Variants in GFPT1 observed in about 807,000 individuals in gnomAD.
GFPT1 encodes glutamine--fructose-6-phosphate transaminase 1.
A neutral mutation model predicts 92.0 loss-of-function variants in GFPT1; 40 were observed. The observed-to-expected ratio is 0.43, with a 90% CI of 0.34 to 0.57. The LOEUF is 0.57. Ranked by LOEUF, GFPT1 falls within the 20% of genes least tolerant of loss-of-function variation. The pLI is 0.02. For missense variants in GFPT1, 448 were observed against 869.1 expected (o/e 0.52, Z 6.09); for synonymous variants, 269 against 280.6 (o/e 0.96, Z 0.41).
At position 69,368,466 on chromosome 2, in the gene GFPT1, G is replaced by A. The variant is rs572472287; in HGVS notation, c.223+1535C>T. On this transcript the variant is annotated intron_variant, in intron 3 of 19. Coordinates refer to ENST00000357308, the MANE Select transcript of GFPT1 (RefSeq NM_001244710.2). ...CAGTTGGCCAGGCTCAGTGGCTAAT[G>A]CCTGTAATCCCACTACTTTGAGAGG... Among the ~76,000 whole-genome samples, 3 of 152,152 alleles carry A rather than the reference G, an allele frequency of 2.0e-5. No individual in the cohort carries two copies. The East Asian group carries it at 5.8e-4, about 29-fold the overall frequency.
Position 69,377,511 on chromosome 2 carries a change from A to C in GFPT1, c.8-3398T>G, listed in dbSNP as rs868543787. Among the ~76,000 whole-genome samples the C allele has an allele frequency of 1.7e-3, 250 of 151,068 alleles. 3 individuals carry two copies. The highest frequency in any genetic ancestry group is 3.0e-3 in the Non-Finnish European group (203 of 67,712). On this transcript the variant is annotated intron_variant, in intron 1 of 19. Coordinates refer to ENST00000357308, the MANE Select transcript of GFPT1 (RefSeq NM_001244710.2). ...TAAAAATAAAAATAAAAAAAAAAAA[A>C]TAGCCAGCTGTGGTGGCACGTGCCT...
At chr2:69,350,567 CTATAAT>C (rs1414804591) in intron 9 of GFPT1, among the ~76,000 whole-genome samples, 4 of 151,732 alleles carry the variant, frequency 2.6e-5, no homozygotes, top group African/African-American at 4.8e-5. Context: ...GTTTGTGTAC[CTATAAT>C]TATAACAAAA....
intron 15 of GFPT1, among the ~76,000 whole-genome samples, chr2:69,337,060 A>ATT (rs376497924): frequency 1.2e-4 from 14 of 118,508 alleles, no homozygotes; most frequent in East Asian, 4.6e-4. Context: ...CAAATTTTAA[A>ATT]TTTTTTTTTT....
intron 16 of GFPT1, 74 bp downstream of exon 16, chr2:69,329,610 T>C (rs1245562137): frequency 9.2e-7 from 1 of 1,084,010 alleles, no homozygotes; most frequent in Non-Finnish European, 1.4e-6. Context: ...AGCCACAGCT[T>C]CAAGGATAAG....
Position 69,348,195 on chromosome 2 carries a change from T to C in GFPT1, c.985A>G (p.Met329Val). ...HPGRAVQTLQMELQQIMKGNF... is the reference protein window; with the variant it reads ...HPGRAVQTLQVELQQIMKGNF... The stretch of plus-strand genomic sequence containing the variant: ...CCCTTCATGATCTGCTGGAGTTCCA[T>C]CTGGAGTGTTTGCACAGCTCGTCCG... Residue 329 changes from methionine (M) to valine (V), a missense_variant, in exon 11 of 20, where the codon ATG (methionine) becomes GTG (valine). This residue lies in a region of GFPT1 where 121 missense variants were observed against 304.3 expected (regional missense o/e 0.40). Transcript: ENST00000357308. 6.2e-7 allele frequency: 1 copy of C among 1,613,922 alleles called. No homozygotes were observed. Among genetic ancestry groups the C allele is most frequent in the Non-Finnish European group, 8.5e-7 (1 of 1,179,806 alleles).
chr2:69,367,186 G>C (rs944824010), intron 3 of GFPT1, among the ~76,000 whole-genome samples: 3 of 152,150 alleles, frequency 2.0e-5, no homozygotes, highest in Admixed American at 6.5e-5. Context: ...CTATGATTAT[G>C]TTAACATGAG....
chr2:69,341,514 G>A (rs780407550), intron 13 of GFPT1, among the ~76,000 whole-genome samples: 10 of 152,140 alleles, frequency 6.6e-5, no homozygotes, highest in Non-Finnish European at 1.2e-4. Context: ...GAAATTGAAT[G>A]TAAAGGTCTT....
chr2:69,327,703 G>C (rs1670563871), intron 18 of GFPT1, among the ~76,000 whole-genome samples: 1 of 151,958 alleles, frequency 6.6e-6, no homozygotes, highest in African/African-American at 2.4e-5. Context: ...AATTAAAAAG[G>C]AACAGCATAT....
intron 3 of GFPT1, among the ~76,000 whole-genome samples, chr2:69,369,564 A>G (rs941391578): frequency 2.6e-5 from 4 of 152,258 alleles, no homozygotes; most frequent in South Asian, 2.1e-4. Flanking sequence ...TTACCAGATT[A>G]TATCAGACCT....
chr2:69,354,423 T>C, intron 8 of GFPT1, 66 bp downstream of exon 8: 2 of 1,284,862 alleles, frequency 1.6e-6, no homozygotes, highest in South Asian at 2.4e-5. Context: ...CAAAGAGCCA[T>C]CTATTCCAAC....
intron 3 of GFPT1, 113 bp from the exon 4 acceptor site, chr2:69,363,783 C>T: frequency 1.2e-6 from 1 of 802,504 alleles, no homozygotes; most frequent in Non-Finnish European, 2.1e-6. Flanking sequence ...TATACAATCA[C>T]TGAAACTAAA....
At chr2:69,352,209 G>C (rs997306846) in intron 9 of GFPT1, among the ~76,000 whole-genome samples, 3 of 152,132 alleles carry the variant, frequency 2.0e-5, no homozygotes, top group Non-Finnish European at 2.9e-5. Flanking sequence ...GTTGCAGTGA[G>C]GTGAGATTGT....
At chr2:69,329,202 G>A in intron 17 of GFPT1, 95 bp downstream of exon 17, 3 of 1,266,162 alleles carry the variant, frequency 2.4e-6, no homozygotes, top group Non-Finnish European at 2.3e-6. Flanking sequence ...ACTTTCAAAA[G>A]TTCTACCTAT....
chr2:69,373,481 A>G (rs1204780832), intron 2 of GFPT1, among the ~76,000 whole-genome samples: 1 of 152,110 alleles, frequency 6.6e-6, no homozygotes, highest in Non-Finnish European at 1.5e-5. Flanking sequence ...TTAGCTGGGC[A>G]TGGTGGCACA....
intron 4 of GFPT1, 53 bp downstream of exon 4, chr2:69,363,492 C>T (rs897781642): frequency 1.9e-6 from 3 of 1,546,812 alleles, no homozygotes; most frequent in Non-Finnish European, 2.7e-6. Flanking sequence ...TTCATTCTGC[C>T]CCCATTATTA....
chr2:69,332,313 CT>C lies in GFPT1; in HGVS notation c.1483-2516del, dbSNP rs1257559725. Among the ~76,000 whole-genome samples, 699 of 134,358 alleles carry C rather than the reference CT, an allele frequency of 5.2e-3. 1 individual carries two copies. Among genetic ancestry groups the C allele is most frequent in the African/African-American group, 9.0e-3 (334 of 36,988 alleles). The allele number at this position is 134,358 out of a possible 152,430, so 88.1% of individuals were successfully genotyped here. A position where few individuals can be genotyped will look rare whatever the true frequency, so the allele number is the denominator to read the frequency against. The stretch of plus-strand genomic sequence containing the variant: ...TTTTTTCTAGTCTTTCTTTTCTTTT[CT>C]TTTTTTTTTTTTTTTGAGACACAGT... On this transcript the variant is annotated intron_variant, in intron 15 of 19. Coordinates refer to ENST00000357308, the MANE Select transcript of GFPT1 (RefSeq NM_001244710.2).
At chr2:69,384,228 C>A (rs895216456) in intron 1 of GFPT1, among the ~76,000 whole-genome samples, 2 of 152,076 alleles carry the variant, frequency 1.3e-5, no homozygotes, top group African/African-American at 4.8e-5. Context: ...CATTACCACG[C>A]GATTTAATAT....
At chr2:69,356,689 C>T in intron 6 of GFPT1, 132 bp from the exon 7 acceptor site, 3 of 727,056 alleles carry the variant, frequency 4.1e-6, no homozygotes. Context: ...ATAAACAAGT[C>T]TAAAGTTTAA....
intron 1 of GFPT1, among the ~76,000 whole-genome samples, chr2:69,375,485 T>C (rs1671848913): frequency 1.3e-5 from 2 of 152,274 alleles, no homozygotes; most frequent in African/African-American, 4.8e-5. Context: ...GATCAATACA[T>C]TGCAATTTTC....
Sources: gnomAD v4.1 joint callset for allele counts (sites outside exome capture counted in the v4.1 genomes callset) on GRCh38, gnomAD v4.1.1 for gene constraint, gnomAD v4.1.1 regional missense constraint, MANE v1.5 for transcripts, NCBI Gene and HGNC (gene_info 2026-07-23, HGNC 2026-07-21) for gene names.